Variants in GFOD2 observed in about 807,000 individuals in gnomAD.
GFOD2 encodes Gfo/Idh/MocA-like oxidoreductase domain containing 2.
Under a neutral mutation model 24.6 loss-of-function variants are expected in GFOD2, and 9 were observed. That is an observed-to-expected ratio of 0.37 (90% CI 0.22 to 0.64). The LOEUF (loss-of-function observed/expected upper bound fraction) is 0.64, where lower values mean the gene tolerates loss of function less well. Ranked by LOEUF, GFOD2 falls within the 30% of genes least tolerant of loss-of-function variation. GFOD2 has a pLI of 0.65. For missense variants in GFOD2, 476 were observed against 532.5 expected, an observed-to-expected ratio of 0.89 and a Z score of 1.04; for synonymous variants, 211 against 224.8, an observed-to-expected ratio of 0.94 and a Z score of 0.55.
At chr16:67,710,653 C>T (rs1272640722) in intron 1 of GFOD2, among the ~76,000 whole-genome samples, 2 of 152,188 alleles carry the variant, frequency 1.3e-5, no homozygotes, top group African/African-American at 4.8e-5. Flanking sequence ...TAAGCCACCG[C>T]GCCCGGCCAG....
chr16:67,713,751 T>G (rs1029187211), intron 1 of GFOD2, among the ~76,000 whole-genome samples: 1 of 152,156 alleles, frequency 6.6e-6, no homozygotes, highest in Non-Finnish European at 1.5e-5. Context: ...TAGGCATGAT[T>G]GATTAAACCA....
intron 1 of GFOD2, among the ~76,000 whole-genome samples, chr16:67,711,154 C>T (rs2053470382): frequency 6.6e-6 from 1 of 152,194 alleles, no homozygotes; most frequent in African/African-American, 2.4e-5. Flanking sequence ...TCTCATGATG[C>T]TCTGTGTTCA....
intron 1 of GFOD2, among the ~76,000 whole-genome samples, chr16:67,690,070 C>T (rs937128025): frequency 1.3e-5 from 2 of 152,190 alleles, no homozygotes; most frequent in African/African-American, 4.8e-5. Context: ...TGATCCATTC[C>T]TCTATCAATG....
intron 1 of GFOD2, among the ~76,000 whole-genome samples, chr16:67,698,406 C>G (rs2053373730): frequency 6.6e-6 from 1 of 152,196 alleles, no homozygotes; most frequent in African/African-American, 2.4e-5. Flanking sequence ...TTAATTAACC[C>G]TTTGAGTACA....
chr16:67,689,798 A>G (rs534291432), intron 1 of GFOD2, among the ~76,000 whole-genome samples: 1 of 152,304 alleles, frequency 6.6e-6, no homozygotes, highest in South Asian at 2.1e-4. Flanking sequence ...AACTCATTAA[A>G]TAATACCCAT....
intron 1 of GFOD2, among the ~76,000 whole-genome samples, chr16:67,707,995 G>A (rs967686993): frequency 3.3e-5 from 5 of 152,186 alleles, no homozygotes; most frequent in Non-Finnish European, 7.3e-5. Flanking sequence ...AGTGGCGGTG[G>A]TGGCTGAGGC....
At chr16:67,697,995 C>G (rs1254470481) in intron 1 of GFOD2, among the ~76,000 whole-genome samples, 1 of 152,196 alleles carries the variant, frequency 6.6e-6, no homozygotes, top group Non-Finnish European at 1.5e-5. Context: ...CCTTCCCTAC[C>G]TGATCCTCTC....
In GFOD2 at chr16:67,704,414, A is replaced by G. The variant is rs183263993; in HGVS notation, c.-88+14749T>C. On this transcript the variant is annotated intron_variant, in intron 1 of 2. Transcript: ENST00000268797. Reference sequence around the variant, plus strand: ...ACTTCCAGAGGCAGGTGCCATTATTATTATCTTCATTTTACAGATGAGGAA... The same window carrying G: ...ACTTCCAGAGGCAGGTGCCATTATTGTTATCTTCATTTTACAGATGAGGAA... Among the ~76,000 whole-genome samples the G allele has an allele frequency of 1.4e-4, 22 of 152,264 alleles. No individual in the cohort carries two copies. The East Asian group carries it at 4.1e-3, about 28-fold the overall frequency.
chr16:67,705,128 G>A (rs2053430127), intron 1 of GFOD2, among the ~76,000 whole-genome samples: 1 of 152,136 alleles, frequency 6.6e-6, no homozygotes, highest in South Asian at 2.1e-4. Context: ...TTGAATAGTT[G>A]TTTTCCCTGC....
intron 2 of GFOD2, chr16:67,684,833 A>G (rs942268844): frequency 1.0e-6 from 1 of 986,880 alleles, no homozygotes; most frequent in African/African-American, 1.7e-5. Flanking sequence ...ACTGTAGGAG[A>G]ACAGCTCAGC....
intron 1 of GFOD2, among the ~76,000 whole-genome samples, chr16:67,696,005 T>C (rs563162089): frequency 6.6e-6 from 1 of 151,896 alleles, no homozygotes; most frequent in African/African-American, 2.4e-5. Context: ...ATCCACTACA[T>C]AGGGAACCCT....
intron 1 of GFOD2, among the ~76,000 whole-genome samples, chr16:67,717,722 C>T (rs1238704388): frequency 2.6e-5 from 4 of 152,006 alleles, no homozygotes; most frequent in Admixed American, 6.5e-5. Flanking sequence ...ACCTGGGAGG[C>T]GGAGATTGCA....
At chr16:67,697,359 A>T (rs2053366127) in intron 1 of GFOD2, among the ~76,000 whole-genome samples, 2 of 152,212 alleles carry the variant, frequency 1.3e-5, no homozygotes, top group African/African-American at 4.8e-5. Flanking sequence ...TCTGAAAAAA[A>T]GATATCTGTT....
At chr16:67,681,066 T>C in intron 2 of GFOD2, 1 of 985,476 alleles carries the variant, frequency 1.0e-6, no homozygotes, top group Non-Finnish European at 1.2e-6. Flanking sequence ...TCTCCACACT[T>C]GTGGGCCTTC....
intron 1 of GFOD2, among the ~76,000 whole-genome samples, chr16:67,705,887 C>T: frequency 6.8e-6 from 1 of 146,562 alleles, no homozygotes. Flanking sequence ...TTGCAGTGAG[C>T]CGAGATCACG....
chr16:67,675,013 G>A lies in GFOD2; in HGVS notation c.*142C>T, dbSNP rs187455264. ...GAGCAGATGAGCCACTGGAGGGGGC[G>A]AAGTCCCAGAGCCACCTCTGGCTTC... On this transcript the variant is annotated 3_prime_UTR_variant, in exon 3 of 3. Coordinates refer to ENST00000268797, the MANE Select transcript of GFOD2 (RefSeq NM_030819.4). The A allele has an allele frequency of 3.9e-5, 37 of 937,470 alleles. No homozygotes were observed. The East Asian group carries it at 6.1e-4, about 15-fold the overall frequency. 58.1% of individuals were successfully genotyped at this position (937,470 alleles called of 1,614,324 possible).
At chr16:67,693,803 C>T (rs1001815835) in intron 1 of GFOD2, among the ~76,000 whole-genome samples, 14 of 151,900 alleles carry the variant, frequency 9.2e-5, no homozygotes, top group Admixed American at 2.0e-4. Flanking sequence ...GCCTGTAATC[C>T]CAGCACTTTG....
intron 1 of GFOD2, among the ~76,000 whole-genome samples, chr16:67,700,252 G>A (rs985274447): frequency 6.6e-6 from 1 of 151,864 alleles, no homozygotes; most frequent in Admixed American, 6.6e-5. Context: ...GTATGTGCCT[G>A]TAGTCTCAGC....
intron 1 of GFOD2, among the ~76,000 whole-genome samples, chr16:67,718,105 C>A (rs2053519649): frequency 1.3e-5 from 2 of 152,176 alleles, no homozygotes. Flanking sequence ...CTAGCTTCCC[C>A]GACTCAAAAA....
Sources: gnomAD v4.1 joint callset for allele counts (sites outside exome capture counted in the v4.1 genomes callset) on GRCh38, gnomAD v4.1.1 for gene constraint, MANE v1.5 for transcripts, NCBI Gene and HGNC (gene_info 2026-07-23, HGNC 2026-07-21) for gene names.